Variants in TMEM117 observed in about 807,000 individuals in gnomAD.
TMEM117 encodes transmembrane protein 117.
In TMEM117, 27 loss-of-function variants were observed where a neutral mutation model predicts 52.4. The observed-to-expected ratio is 0.51, with a 90% CI of 0.38 to 0.71. TMEM117 has a LOEUF of 0.71. TMEM117 is among the 30% of genes least tolerant of loss of function. The pLI, the probability that TMEM117 is intolerant of heterozygous loss-of-function variation, is 0.00. For synonymous variants in TMEM117, 215 were observed against 206.3 expected, an observed-to-expected ratio of 1.04 and a Z score of -0.36; for missense variants, 556 against 630.5, an observed-to-expected ratio of 0.88 and a Z score of 1.26.
At chr12:44,233,801 A>C (rs1949961340) in intron 5 of TMEM117, among the ~76,000 whole-genome samples, 1 of 151,448 alleles carries the variant, frequency 6.6e-6, no homozygotes, top group Non-Finnish European at 1.5e-5. Context: ...CTGCTGAATA[A>C]AATTCTATTA....
the TMEM117 span, among the ~76,000 whole-genome samples, chr12:43,809,926 G>A: frequency 1.4e-4 from 22 of 152,094 alleles, no homozygotes; most frequent in Admixed American, 1.0e-3. Flanking sequence ...CATTCCTATC[G>A]GACTCAGTGG....
chr12:43,846,516 G>T (rs1317138313), intron 2 of TMEM117, among the ~76,000 whole-genome samples: 1 of 152,194 alleles, frequency 6.6e-6, no homozygotes, highest in Non-Finnish European at 1.5e-5. Flanking sequence ...TTGCCTAGAG[G>T]TAGGTGGTAT....
At chr12:43,882,988 G>A (rs577940015) in intron 2 of TMEM117, among the ~76,000 whole-genome samples, 3 of 152,166 alleles carry the variant, frequency 2.0e-5, no homozygotes, top group Non-Finnish European at 2.9e-5. Context: ...TATAATAAGA[G>A]CATTCTGATT....
intron 2 of TMEM117, among the ~76,000 whole-genome samples, chr12:43,858,146 C>T (rs1453706938): frequency 9.9e-5 from 15 of 152,266 alleles, no homozygotes; most frequent in African/African-American, 2.9e-4. Context: ...GGATTCCTAT[C>T]GTGGCTGTGA....
intron 3 of TMEM117, among the ~76,000 whole-genome samples, chr12:44,091,345 A>G (rs1947668098): frequency 2.0e-5 from 3 of 152,212 alleles, no homozygotes; most frequent in African/African-American, 7.2e-5. Flanking sequence ...CAGCCAAACC[A>G]TATCAACTTT....
intron 3 of TMEM117, among the ~76,000 whole-genome samples, chr12:44,002,894 C>T (rs1452352001): frequency 6.6e-6 from 1 of 152,148 alleles, no homozygotes; most frequent in Non-Finnish European, 1.5e-5. Context: ...GTGGCTCCCT[C>T]CTTTAGGTTC....
At position 43,923,426 on chromosome 12, in the gene TMEM117, C is replaced by G. The variant is rs1356011850; in HGVS notation, c.278-20784C>G. 2.0e-5 allele frequency among the ~76,000 whole-genome samples: 3 copies of G among 152,174 alleles called. No homozygotes were observed. The East Asian group carries it at 5.8e-4, about 29-fold the overall frequency. ...TCTGGTCACACATTTTTCAGTTTCA[C>G]AAATGTGACAATACTCCTATAACAG... On this transcript the variant is annotated intron_variant, in intron 2 of 7. Coordinates refer to ENST00000266534, the MANE Select transcript of TMEM117 (RefSeq NM_032256.3).
intron 2 of TMEM117, among the ~76,000 whole-genome samples, chr12:43,870,732 A>G: frequency 6.7e-6 from 1 of 148,922 alleles, no homozygotes; most frequent in East Asian, 1.9e-4. Flanking sequence ...TTGTACTCCC[A>G]CCAACAGTGT....
the TMEM117 span, among the ~76,000 whole-genome samples, chr12:43,812,733 C>A: frequency 1.4e-4 from 21 of 151,636 alleles, no homozygotes; most frequent in African/African-American, 5.1e-4. Context: ...AGGTCGGGTG[C>A]GGTGGCTCAT....
At chr12:44,336,776 G>C (rs1447639130) in intron 6 of TMEM117, among the ~76,000 whole-genome samples, 1 of 151,836 alleles carries the variant, frequency 6.6e-6, no homozygotes, top group Non-Finnish European at 1.5e-5. Flanking sequence ...CTTTATAAAT[G>C]ATTAAGTCTA....
chr12:43,956,616 T>A (rs1945313005), intron 3 of TMEM117, among the ~76,000 whole-genome samples: 1 of 151,740 alleles, frequency 6.6e-6, no homozygotes, highest in African/African-American at 2.4e-5. Flanking sequence ...TACCATCTCA[T>A]GCCAGTCAGA....
intron 5 of TMEM117, among the ~76,000 whole-genome samples, chr12:44,269,850 A>T (rs1379562062): frequency 1.3e-5 from 2 of 152,132 alleles, no homozygotes; most frequent in African/African-American, 4.8e-5. Flanking sequence ...TGTCAATAAG[A>T]AATCTGGTTT....
chr12:44,298,950 T>C (rs1255666939), intron 5 of TMEM117, among the ~76,000 whole-genome samples: 1 of 150,626 alleles, frequency 6.6e-6, no homozygotes, highest in Non-Finnish European at 1.5e-5. Flanking sequence ...TTACATTGCA[T>C]GTCCACTACC....
rs1491554456 is a variant in TMEM117, at chr12:44,027,104, ATT to A, written c.410+82765_410+82766del. ...AGCCTATTTTATTTTATTTTATTTT[ATT>A]TTATTTTATCTTATTATTTTATTTT... On this transcript the variant is annotated intron_variant, in intron 3 of 7. Transcript: ENST00000266534. Among the ~76,000 whole-genome samples, 171 of 145,050 alleles carry A rather than the reference ATT, an allele frequency of 1.2e-3. 2 individuals carry two copies. The highest frequency in any genetic ancestry group is 3.6e-3 in the Middle Eastern group (1 of 276).
At chr12:44,071,485 C>T (rs1490282981) in intron 3 of TMEM117, among the ~76,000 whole-genome samples, 1 of 152,200 alleles carries the variant, frequency 6.6e-6, no homozygotes, top group Non-Finnish European at 1.5e-5. Flanking sequence ...ATGTAAACTA[C>T]ATTTAATCTT....
chr12:44,303,249 A>AT (rs1274682519), intron 6 of TMEM117, among the ~76,000 whole-genome samples: 1 of 151,350 alleles, frequency 6.6e-6, no homozygotes, highest in Non-Finnish European at 1.5e-5. Flanking sequence ...GGGTTTCTCT[A>AT]TGTTGGTCAG....
chr12:43,924,074 G>A (rs1944738768), intron 2 of TMEM117, among the ~76,000 whole-genome samples: 1 of 152,154 alleles, frequency 6.6e-6, no homozygotes, highest in Admixed American at 6.5e-5. Context: ...AATGAATTCT[G>A]TAGGAGTGGG....
intron 6 of TMEM117, among the ~76,000 whole-genome samples, chr12:44,339,203 TC>T (rs1451257483): frequency 6.6e-6 from 1 of 152,056 alleles, no homozygotes; most frequent in Non-Finnish European, 1.5e-5. Context: ...CACAGCCCAA[TC>T]TGCTTCATTT....
intron 3 of TMEM117, among the ~76,000 whole-genome samples, chr12:44,075,065 T>C (rs117472216): frequency 0.012 from 1,789 of 152,320 alleles, 16 homozygotes; most frequent in Middle Eastern, 0.024. Flanking sequence ...GCTTTCTCCA[T>C]AGTGGTAAGT....
Sources: gnomAD v4.1 joint callset for allele counts (sites outside exome capture counted in the v4.1 genomes callset) on GRCh38, gnomAD v4.1.1 for gene constraint, MANE v1.5 for transcripts, NCBI Gene and HGNC (gene_info 2026-07-23, HGNC 2026-07-21) for gene names.